TANGO6: variants seen among roughly 807,000 people sequenced by gnomAD.
TANGO6 encodes transport and golgi organization 6 homolog.
TANGO6 carries 90 observed loss-of-function variants against 114.2 expected under a neutral mutation model. The ratio of observed to expected loss-of-function variants is 0.79; its 90% CI spans 0.66 to 0.94. TANGO6 has a LOEUF of 0.94. Ranked by LOEUF, TANGO6 falls within the 40% of genes least tolerant of loss-of-function variation. The probability of loss-of-function intolerance (pLI) is 0.00; values close to 1 mark genes in which losing one functional copy is unlikely to be tolerated. For missense variants in TANGO6, 1,274 were observed against 1,315.3 expected (o/e 0.97, Z 0.49); for synonymous variants, 477 against 509.8 (o/e 0.94, Z 0.87).
At chr16:69,051,298 T>C (rs1393994681) in intron 17 of TANGO6, among the ~76,000 whole-genome samples, 1 of 152,038 alleles carries the variant, frequency 6.6e-6, no homozygotes, top group African/African-American at 2.4e-5. Flanking sequence ...CCCAGCAGTT[T>C]GGGAGACTGA....
intron 14 of TANGO6, among the ~76,000 whole-genome samples, chr16:68,968,959 C>T (rs1305754607): frequency 1.3e-5 from 2 of 152,112 alleles, no homozygotes; most frequent in Non-Finnish European, 2.9e-5. Flanking sequence ...CATGAGCCAC[C>T]GCGCCTGGCC....
In TANGO6 at chr16:68,843,574, C is replaced by G. The variant is rs762132099; in HGVS notation, c.-44C>G. ...TAACATGGCGGCGGCGGCGCCCTGC[C>G]GAGGCGCCTGAGCGGGTCGCGAGCG... On this transcript the variant is annotated 5_prime_UTR_variant, in exon 1 of 18. Transcript: ENST00000261778. 1 of 1,588,982 alleles carries G rather than the reference C, an allele frequency of 6.3e-7. No homozygotes were observed. The highest frequency in any genetic ancestry group is 8.6e-7 in the Non-Finnish European group (1 of 1,163,810).
chr16:68,892,157 C>T (rs903966599), intron 7 of TANGO6, among the ~76,000 whole-genome samples: 4 of 152,216 alleles, frequency 2.6e-5, no homozygotes, highest in African/African-American at 4.8e-5. Context: ...TAAAAACCAA[C>T]TGCTGCCTTC....
At chr16:68,866,973 T>TC (rs1962187421) in intron 3 of TANGO6, 106 bp from the exon 4 acceptor site, 2 of 914,388 alleles carry the variant, frequency 2.2e-6, no homozygotes, top group South Asian at 1.9e-5. Flanking sequence ...TAGCTATTTC[T>TC]CCTTTTTTTT....
At chr16:69,033,484 C>T (rs1023077977) in intron 16 of TANGO6, among the ~76,000 whole-genome samples, 2 of 152,210 alleles carry the variant, frequency 1.3e-5, no homozygotes, top group East Asian at 1.9e-4. Context: ...AGGAGTGACA[C>T]GATAGAGCCA....
intron 15 of TANGO6, among the ~76,000 whole-genome samples, chr16:69,009,939 C>T (rs913181879): frequency 6.6e-6 from 1 of 152,122 alleles, no homozygotes; most frequent in African/African-American, 2.4e-5. Flanking sequence ...GTACTAAGAG[C>T]GAAATGGGTG....
intron 17 of TANGO6, among the ~76,000 whole-genome samples, chr16:69,071,991 G>T (rs915955046): frequency 6.7e-6 from 1 of 149,550 alleles, no homozygotes; most frequent in African/African-American, 2.5e-5. Flanking sequence ...GCCAACTGGC[G>T]CCTGGAAAGA....
intron 17 of TANGO6, among the ~76,000 whole-genome samples, chr16:69,050,157 G>A (rs1009748349): frequency 6.6e-5 from 10 of 152,146 alleles, no homozygotes; most frequent in Non-Finnish European, 1.3e-4. Context: ...CTGCCAGACT[G>A]TTTTCAAAGT....
intron 17 of TANGO6, among the ~76,000 whole-genome samples, chr16:69,042,801 A>G (rs1054862288): frequency 6.6e-6 from 1 of 152,192 alleles, no homozygotes; most frequent in Non-Finnish European, 1.5e-5. Context: ...AAGATCTACA[A>G]AACTCTTGGC....
At chr16:68,854,633 T>C (rs1025861618) in intron 1 of TANGO6, among the ~76,000 whole-genome samples, 2 of 151,982 alleles carry the variant, frequency 1.3e-5, no homozygotes, top group African/African-American at 2.4e-5. Flanking sequence ...TTTTTTTTTT[T>C]TTCCCCATGT....
intron 11 of TANGO6, 52 bp from the exon 12 acceptor site, chr16:68,919,033 A>G: frequency 6.4e-7 from 1 of 1,561,850 alleles, no homozygotes; most frequent in Non-Finnish European, 8.7e-7. Flanking sequence ...AAGGAGAATT[A>G]TGATTTTTTT....
chr16:69,073,112 G>C (rs1420599515), intron 17 of TANGO6, among the ~76,000 whole-genome samples: 2 of 151,764 alleles, frequency 1.3e-5, no homozygotes, highest in Non-Finnish European at 2.9e-5. Context: ...GAGATGCTTT[G>C]GGCTATAATC....
chr16:68,932,928 A>G (rs540316179), intron 14 of TANGO6, among the ~76,000 whole-genome samples: 130 of 152,252 alleles, frequency 8.5e-4, no homozygotes, highest in Non-Finnish European at 6.5e-4. Flanking sequence ...GGGGCTTAAT[A>G]TTAGGATTAA....
At chr16:68,850,260 C>A (rs920690458) in intron 1 of TANGO6, among the ~76,000 whole-genome samples, 20 of 152,184 alleles carry the variant, frequency 1.3e-4, no homozygotes, top group Admixed American at 6.5e-5. Context: ...GTGTGAGCCA[C>A]TGCGTCCAGC....
rs561135657 is a variant in TANGO6, at chr16:69,013,872, G to C, written c.2843-8956G>C. Reference sequence around the variant, plus strand: ...AGAGTTTCGCTGTGTTGGCCAGGCTGCTCTTGAACTCCTGAGCTCAGGCAA... The same window carrying C: ...AGAGTTTCGCTGTGTTGGCCAGGCTCCTCTTGAACTCCTGAGCTCAGGCAA... On this transcript the variant is annotated intron_variant, in intron 15 of 17. Transcript: ENST00000261778. Among the ~76,000 whole-genome samples the C allele has an allele frequency of 5.8e-4, 88 of 152,118 alleles. 1 individual carries two copies. Among genetic ancestry groups the C allele is most frequent in the African/African-American group, 2.1e-3 (86 of 41,484 alleles).
chr16:69,048,941 G>A (rs903486012), intron 17 of TANGO6, among the ~76,000 whole-genome samples: 17 of 152,116 alleles, frequency 1.1e-4, no homozygotes, highest in Non-Finnish European at 2.2e-4. Context: ...GTCAAAGCCA[G>A]GCCCAGGCAG....
intron 16 of TANGO6, among the ~76,000 whole-genome samples, chr16:69,032,108 T>C (rs1959603801): frequency 6.6e-6 from 1 of 152,032 alleles, no homozygotes; most frequent in African/African-American, 2.4e-5. Flanking sequence ...GTAAGGCCAG[T>C]GTGGCTTCAG....
At chr16:69,058,469 G>C (rs182889307) in intron 17 of TANGO6, among the ~76,000 whole-genome samples, 2 of 152,186 alleles carry the variant, frequency 1.3e-5, no homozygotes, top group Non-Finnish European at 2.9e-5. Context: ...TTCAGGTCCA[G>C]AAGGTTTACA....
chr16:68,980,864 G>A (rs1490947086), intron 15 of TANGO6, among the ~76,000 whole-genome samples: 1 of 151,802 alleles, frequency 6.6e-6, no homozygotes, highest in East Asian at 1.9e-4. Flanking sequence ...GCATAGTGGC[G>A]GGCGCCTGTA....
Sources: gnomAD v4.1 joint callset for allele counts (sites outside exome capture counted in the v4.1 genomes callset) on GRCh38, gnomAD v4.1.1 for gene constraint, MANE v1.5 for transcripts, NCBI Gene and HGNC (gene_info 2026-07-23, HGNC 2026-07-21) for gene names.